Variants in ANKS1B observed in about 807,000 individuals in gnomAD.
The protein encoded by ANKS1B is ankyrin repeat and sterile alpha motif domain containing 1B, also known as ankyrin repeat and sterile alpha motif domain-containing protein 1B.
In ANKS1B, 36 loss-of-function variants were observed where a neutral mutation model predicts 148.3. The observed-to-expected ratio is 0.24, with a 90% CI of 0.19 to 0.32. The LOEUF (loss-of-function observed/expected upper bound fraction) is 0.32, where lower values mean the gene tolerates loss of function less well. ANKS1B is among the 10% of genes least tolerant of loss of function. The pLI is 1.00. For missense variants in ANKS1B, 1,157 were observed against 1,542.6 expected, an observed-to-expected ratio of 0.75 and a Z score of 4.19; for synonymous variants, 542 against 560.8, an observed-to-expected ratio of 0.97 and a Z score of 0.47.
intron 10 of ANKS1B, among the ~76,000 whole-genome samples, chr12:99,480,579 T>C (rs2096395281): frequency 6.6e-6 from 1 of 151,872 alleles, no homozygotes. Context: ...ATTTAGCAAA[T>C]CTGAAGGTTG....
At chr12:99,336,497 T>C (rs1180752194) in intron 12 of ANKS1B, among the ~76,000 whole-genome samples, 2 of 152,148 alleles carry the variant, frequency 1.3e-5, no homozygotes, top group African/African-American at 4.8e-5. Flanking sequence ...GTTTCATGTT[T>C]GAGACATTAG....
intron 8 of ANKS1B, among the ~76,000 whole-genome samples, chr12:99,665,090 T>G (rs559083606): frequency 6.6e-6 from 1 of 152,332 alleles, no homozygotes; most frequent in African/African-American, 2.4e-5. Context: ...ACATTCACAT[T>G]AAAATCTGTG....
intron 16 of ANKS1B, among the ~76,000 whole-genome samples, chr12:99,083,559 T>C (rs1244257919): frequency 6.6e-6 from 1 of 152,204 alleles, no homozygotes; most frequent in African/African-American, 2.4e-5. Flanking sequence ...CACTTCTCAA[T>C]TGTTTTAATC....
At chr12:98,894,689 C>T (rs1295738789) in intron 17 of ANKS1B, 1 of 985,706 alleles carries the variant, frequency 1.0e-6, no homozygotes, top group Non-Finnish European at 1.2e-6. Flanking sequence ...CTCTGGCCCC[C>T]GAGGACGCAG....
chr12:99,419,096 T>G (rs1479884219), intron 11 of ANKS1B, among the ~76,000 whole-genome samples: 1 of 152,198 alleles, frequency 6.6e-6, no homozygotes, highest in Admixed American at 6.5e-5. Context: ...TGTGGGTGTA[T>G]GTGGAATTGG....
chr12:99,746,422 A>T (rs1159086800), intron 8 of ANKS1B, among the ~76,000 whole-genome samples: 2 of 151,878 alleles, frequency 1.3e-5, no homozygotes, highest in African/African-American at 4.8e-5. Context: ...CCTAATGTCA[A>T]CTCTTTTGCA....
intron 14 of ANKS1B, among the ~76,000 whole-genome samples, chr12:99,213,339 A>T (rs2083631332): frequency 6.6e-6 from 1 of 152,072 alleles, no homozygotes; most frequent in South Asian, 2.1e-4. Context: ...TATTTCAAAC[A>T]TTGCTCATCA....
In ANKS1B at chr12:99,359,025, T is replaced by C. The variant is rs137883445; in HGVS notation, c.1756+40606A>G. Reference sequence around the variant, plus strand: ...AAAGTGTGTGAGATATAAAGAGAAATTGGCCAGGCAGAAACATCAAGACAA... The same window carrying C: ...AAAGTGTGTGAGATATAAAGAGAAACTGGCCAGGCAGAAACATCAAGACAA... On this transcript the variant is annotated intron_variant, in intron 12 of 26. Transcript: ENST00000683438. Among the ~76,000 whole-genome samples, 80 of 152,130 alleles carry C rather than the reference T, an allele frequency of 5.3e-4. No individual in the cohort carries two copies. In the East Asian group the frequency reaches 0.012, roughly 23 times the overall value.
intron 10 of ANKS1B, among the ~76,000 whole-genome samples, chr12:99,470,669 C>T (rs1567167690): frequency 6.6e-6 from 1 of 152,102 alleles, no homozygotes; most frequent in Non-Finnish European, 1.5e-5. Context: ...CACTTAGGCA[C>T]ACATGCAATA....
At chr12:99,832,015 A>G (rs2084086976) in intron 1 of ANKS1B, among the ~76,000 whole-genome samples, 1 of 152,230 alleles carries the variant, frequency 6.6e-6, no homozygotes, top group Non-Finnish European at 1.5e-5. Context: ...GTGGCTGCCT[A>G]CTTTTCTACC....
At chr12:99,210,708 G>A (rs1264687526) in intron 14 of ANKS1B, among the ~76,000 whole-genome samples, 1 of 152,158 alleles carries the variant, frequency 6.6e-6, no homozygotes, top group African/African-American at 2.4e-5. Flanking sequence ...TGGCTACTTG[G>A]TTAAAATGGG....
At chr12:99,502,697 A>G (rs2096667167) in intron 10 of ANKS1B, among the ~76,000 whole-genome samples, 1 of 152,146 alleles carries the variant, frequency 6.6e-6, no homozygotes, top group Admixed American at 6.6e-5. Flanking sequence ...TGATATTAAT[A>G]CCTCACAGCA....
intron 17 of ANKS1B, among the ~76,000 whole-genome samples, chr12:98,939,823 C>T (rs973663318): frequency 6.6e-6 from 1 of 152,180 alleles, no homozygotes; most frequent in Admixed American, 6.5e-5. Context: ...AAAAGGAACG[C>T]TGCCCCTAAG....
chr12:98,910,750 C>G (rs533959292), intron 17 of ANKS1B, among the ~76,000 whole-genome samples: 1 of 152,280 alleles, frequency 6.6e-6, no homozygotes, highest in East Asian at 1.9e-4. Flanking sequence ...CCAACACCAT[C>G]CAAATGTCTT....
chr12:98,891,508 T>A (rs973553700), intron 17 of ANKS1B, among the ~76,000 whole-genome samples: 2 of 152,142 alleles, frequency 1.3e-5, no homozygotes, highest in African/African-American at 4.8e-5. Context: ...AAAGGTTAAT[T>A]TTTGCATAAA....
At chr12:99,297,410 G>A (rs996193779) in intron 12 of ANKS1B, among the ~76,000 whole-genome samples, 1 of 152,120 alleles carries the variant, frequency 6.6e-6, no homozygotes, top group African/African-American at 2.4e-5. Flanking sequence ...TTTTGTAGTA[G>A]CGTAAACATA....
chr12:99,812,710 T>TA (rs939576077), intron 2 of ANKS1B, among the ~76,000 whole-genome samples: 10 of 150,718 alleles, frequency 6.6e-5, no homozygotes, highest in East Asian at 3.9e-4. Flanking sequence ...TTTTTTTTTT[T>TA]AAAAAAAGAG....
intron 9 of ANKS1B, among the ~76,000 whole-genome samples, chr12:99,568,794 T>C (rs1597262463): frequency 6.6e-6 from 1 of 152,262 alleles, no homozygotes; most frequent in East Asian, 1.9e-4. Flanking sequence ...GTAGGTATCA[T>C]AAAAGAAAAT....
At chr12:98,899,566 A>G (rs2099769318) in intron 17 of ANKS1B, among the ~76,000 whole-genome samples, 1 of 152,200 alleles carries the variant, frequency 6.6e-6, no homozygotes, top group Admixed American at 6.5e-5. Flanking sequence ...CTGAAGAAGA[A>G]ATTCCACCTG....
Sources: allele counts gnomAD v4.1 joint callset (sites outside exome capture counted in the v4.1 genomes callset), GRCh38; gene constraint gnomAD v4.1.1; transcripts MANE v1.5; gene names NCBI Gene and HGNC (gene_info 2026-07-23, HGNC 2026-07-21).